Variants in WDR70 observed in about 807,000 individuals in gnomAD.
The protein encoded by WDR70 is WD repeat domain 70, also known as WD repeat-containing protein 70.
In WDR70, 53 loss-of-function variants were observed where a neutral mutation model predicts 88.6. That is an observed-to-expected ratio of 0.60 (90% CI 0.48 to 0.75). WDR70 has a LOEUF of 0.75. Among genes scored for constraint, WDR70 ranks in the 30% least tolerant of loss-of-function variants. The pLI is 0.00. For missense variants in WDR70, 610 were observed against 823.2 expected, an observed-to-expected ratio of 0.74 and a Z score of 3.17; for synonymous variants, 280 against 270.0, an observed-to-expected ratio of 1.04 and a Z score of -0.36.
intron 9 of WDR70, among the ~76,000 whole-genome samples, chr5:37,519,312 G>A (rs111817531): frequency 0.019 from 2,933 of 150,666 alleles, 85 homozygotes; most frequent in African/African-American, 0.067. Flanking sequence ...GAAGATGGGC[G>A]GCTGGGCAGA....
At chr5:37,581,303 C>CCTAG (rs1743210995) in intron 9 of WDR70, among the ~76,000 whole-genome samples, 1 of 152,126 alleles carries the variant, frequency 6.6e-6, no homozygotes, top group Non-Finnish European at 1.5e-5. Flanking sequence ...TGGGCATTTA[C>CCTAG]TATGGGCAAG....
At chr5:37,599,754 G>A (rs531687269) in intron 9 of WDR70, among the ~76,000 whole-genome samples, 92 of 152,208 alleles carry the variant, frequency 6.0e-4, no homozygotes, top group Admixed American at 1.7e-3. Context: ...TTTGCCAGGC[G>A]TGGTGGCGCG....
intron 7 of WDR70, among the ~76,000 whole-genome samples, chr5:37,473,256 A>G (rs969922498): frequency 2.0e-5 from 3 of 148,480 alleles, no homozygotes; most frequent in African/African-American, 7.5e-5. Flanking sequence ...AAATCAGTGT[A>G]TTTTAGGAGA....
At chr5:37,519,327 C>T (rs545882481) in intron 9 of WDR70, among the ~76,000 whole-genome samples, 19 of 151,014 alleles carry the variant, frequency 1.3e-4, no homozygotes, top group Admixed American at 9.9e-4. Context: ...GGCAGAGGCG[C>T]TCCTCACTTC....
chr5:37,517,404 G>C lies in WDR70; in HGVS notation c.917+814G>C, dbSNP rs111468074. Among the ~76,000 whole-genome samples, 1,288 of 141,888 alleles carry C rather than the reference G, an allele frequency of 9.1e-3. 19 individuals are homozygous for C. The highest frequency in any genetic ancestry group is 0.031 in the African/African-American group (1,214 of 38,692). 93.1% of individuals were successfully genotyped at this position (141,888 alleles called of 152,430 possible). On this transcript the variant is annotated intron_variant, in intron 9 of 17. Transcript: ENST00000265107. ...TTTTTTGAGATGGAGTTTCGCTCTTGTTGCCTAGGCTGGAGTGCAATGGCA... is the reference window on the plus strand; with the variant it reads ...TTTTTTGAGATGGAGTTTCGCTCTTCTTGCCTAGGCTGGAGTGCAATGGCA...
intron 10 of WDR70, among the ~76,000 whole-genome samples, chr5:37,653,291 G>A (rs1343413195): frequency 3.3e-5 from 5 of 152,082 alleles, no homozygotes; most frequent in Non-Finnish European, 5.9e-5. Context: ...GGATGAAGCC[G>A]ACTTGATCAT....
intron 5 of WDR70, among the ~76,000 whole-genome samples, chr5:37,437,162 G>C (rs2007898): frequency 0.87 from 132,492 of 152,162 alleles, 60,545 homozygotes; most frequent in East Asian, 1. Flanking sequence ...AGAAGAGACC[G>C]TGTCTGCTGC....
At chr5:37,745,217 A>G (rs1340807003) in intron 17 of WDR70, among the ~76,000 whole-genome samples, 1 of 152,096 alleles carries the variant, frequency 6.6e-6, no homozygotes, top group Non-Finnish European at 1.5e-5. Flanking sequence ...TTTCCAGACA[A>G]GCAAATGCTG....
rs185676456 is a variant in WDR70, at chr5:37,443,610, T to C, written c.686+238T>C. On this transcript the variant is annotated intron_variant, in intron 7 of 17. Coordinates refer to ENST00000265107, the MANE Select transcript of WDR70 (RefSeq NM_018034.4). ...GCTCACACTTGTAATTCCAGAACTT[T>C]AGAAAGCCGAGGCAGGCGGATCACC... Among the ~76,000 whole-genome samples, 291 of 152,326 alleles carry C rather than the reference T, an allele frequency of 1.9e-3. 2 individuals carry two copies. The highest frequency in any genetic ancestry group is 6.3e-3 in the African/African-American group (260 of 41,566).
chr5:37,407,135 C>T (rs917036104), intron 5 of WDR70, among the ~76,000 whole-genome samples: 1 of 152,132 alleles, frequency 6.6e-6, no homozygotes, highest in Non-Finnish European at 1.5e-5. Flanking sequence ...GTACTCCAGC[C>T]TGGGGACAGA....
rs200323949 is a variant in WDR70, at chr5:37,556,139, CT to C, written c.917+39564del. Among the ~76,000 whole-genome samples the C allele has an allele frequency of 4.7e-3, 671 of 143,792 alleles. 6 individuals are homozygous for C. The highest frequency in any genetic ancestry group is 0.014 in the African/African-American group (519 of 38,136). 94.3% of individuals were successfully genotyped at this position (143,792 alleles called of 152,430 possible). ...GTTCCATATTTTGGATTTTCTTCCT[CT>C]TTTTTTTTTTTTTTCAAAAAGCATA... On this transcript the variant is annotated intron_variant, in intron 9 of 17. Transcript: ENST00000265107.
At chr5:37,622,901 AG>A (rs1744555065) in intron 10 of WDR70, among the ~76,000 whole-genome samples, 1 of 152,312 alleles carries the variant, frequency 6.6e-6, no homozygotes, top group African/African-American at 2.4e-5. Flanking sequence ...TAATAAAAAA[AG>A]AAACATTCTA....
chr5:37,676,564 T>C (rs557296511), intron 10 of WDR70, among the ~76,000 whole-genome samples: 1 of 152,190 alleles, frequency 6.6e-6, no homozygotes, highest in Non-Finnish European at 1.5e-5. Context: ...TGAACCAGCC[T>C]TGCATCCCAG....
At chr5:37,604,978 A>T in intron 9 of WDR70, 86 bp from the exon 10 acceptor site, 1 of 1,188,420 alleles carries the variant, frequency 8.4e-7, no homozygotes, top group East Asian at 2.8e-5. Flanking sequence ...ATGGCGAAGC[A>T]GTCTTTATGG....
At chr5:37,559,896 T>C (rs950836510) in intron 9 of WDR70, among the ~76,000 whole-genome samples, 6 of 152,210 alleles carry the variant, frequency 3.9e-5, no homozygotes, top group African/African-American at 1.4e-4. Flanking sequence ...GAATTGACTC[T>C]TACTGTCCCT....
chr5:37,561,882 G>T (rs966511560), intron 9 of WDR70, among the ~76,000 whole-genome samples: 5 of 152,106 alleles, frequency 3.3e-5, no homozygotes, highest in South Asian at 2.1e-4. Context: ...TTGTGGAAAA[G>T]GAAGAAAGAA....
At chr5:37,707,942 AAAAAAAATATATAT>A (rs1747394615) in intron 13 of WDR70, among the ~76,000 whole-genome samples, 1 of 28,422 alleles carries the variant, frequency 3.5e-5, no homozygotes, top group African/African-American at 1.6e-4. Flanking sequence ...AAAAAAAAAA[AAAAAAAATATATAT>A]ATATATATAT....
chr5:37,557,901 A>T (rs199678646), intron 9 of WDR70, among the ~76,000 whole-genome samples: 1 of 30,804 alleles, frequency 3.2e-5, no homozygotes, highest in Non-Finnish European at 6.7e-5. Flanking sequence ...CTTCAGATTT[A>T]TACTCTTTTG....
intron 9 of WDR70, among the ~76,000 whole-genome samples, chr5:37,522,773 C>T (rs1478620602): frequency 6.6e-6 from 1 of 152,210 alleles, no homozygotes; most frequent in Non-Finnish European, 1.5e-5. Context: ...AATCAGGTCA[C>T]TCCCACCCTA....
Sources: gnomAD v4.1 joint callset for allele counts (sites outside exome capture counted in the v4.1 genomes callset) on GRCh38, gnomAD v4.1.1 for gene constraint, MANE v1.5 for transcripts, NCBI Gene and HGNC (gene_info 2026-07-23, HGNC 2026-07-21) for gene names.